MCF2L: variants seen among roughly 807,000 people sequenced by gnomAD.
The protein encoded by MCF2L is MCF.2 cell line derived transforming sequence like.
A neutral mutation model predicts 153.4 loss-of-function variants in MCF2L; 97 were observed. The observed-to-expected ratio is 0.63, with a 90% CI of 0.54 to 0.75. The LOEUF is 0.75. MCF2L is among the 30% of genes least tolerant of loss of function. MCF2L has a pLI of 0.00. For synonymous variants in MCF2L, 659 were observed against 632.2 expected, an observed-to-expected ratio of 1.04 and a Z score of -0.64; for missense variants, 1,347 against 1,495.2, an observed-to-expected ratio of 0.90 and a Z score of 1.64.
chr13:112,979,507 A>T, intron 1 of MCF2L: 1 of 1,459,774 alleles, frequency 6.9e-7, no homozygotes. Context: ...CAGGGTCCTG[A>T]GCACCTGTCT....
chr13:113,023,903 C>G (rs1336682120), intron 2 of MCF2L, among the ~76,000 whole-genome samples: 1 of 152,220 alleles, frequency 6.6e-6, no homozygotes, highest in Admixed American at 6.5e-5. Context: ...CGTGGGACCA[C>G]CTGCCCAATG....
intron 2 of MCF2L, among the ~76,000 whole-genome samples, chr13:112,955,533 G>A (rs2081746816): frequency 6.6e-6 from 1 of 152,164 alleles, no homozygotes; most frequent in Non-Finnish European, 1.5e-5. Context: ...CCCACAAGGT[G>A]GGGACTTTGT....
Position 113,046,698 on chromosome 13 carries a change from G to A in MCF2L, c.369+1337G>A, listed in dbSNP as rs2086838086. The A allele has an allele frequency of 3.8e-6, 2 of 527,602 alleles. No individual in the cohort carries two copies. The highest frequency in any genetic ancestry group is 3.9e-5 in the African/African-American group (2 of 51,588). The allele number at this position is 527,602 out of a possible 1,614,324, so 32.7% of individuals were successfully genotyped here. A position where few individuals can be genotyped will look rare whatever the true frequency, so the allele number is the denominator to read the frequency against. On this transcript the variant is annotated intron_variant, in intron 4 of 29. Coordinates refer to ENST00000535094, the MANE Select transcript of MCF2L (RefSeq NM_001112732.3). The surrounding 1 kb of genome is among the most constrained non-coding windows in gnomAD (Gnocchi z 4.4). ...TTCTCATCGAAGTCTTTAGGATGAGGCATCTCCTTGCACCCCCACGGCACC... is the reference window on the plus strand; with the variant it reads ...TTCTCATCGAAGTCTTTAGGATGAGACATCTCCTTGCACCCCCACGGCACC...
intron 2 of MCF2L, among the ~76,000 whole-genome samples, chr13:112,918,545 A>G (rs977206650): frequency 6.6e-6 from 1 of 152,256 alleles, no homozygotes; most frequent in African/African-American, 2.4e-5. Context: ...GGCCAGTTTG[A>G]AAAACCTAGG....
rs2085410719 is a variant in MCF2L at position 113,027,863 on chromosome 13, A to G, written c.278+3105A>G. ...CCACATGGCCGTACCCCGAGGACGT[A>G]GGCTCCAGGTGTGCTGTGGCCAGAG... On this transcript the variant is annotated intron_variant, in intron 3 of 29. Transcript: ENST00000535094. The surrounding 1 kb of genome is among the most constrained non-coding windows in gnomAD (Gnocchi z 4.8). Among the ~76,000 whole-genome samples, 1 of 152,318 alleles carries G rather than the reference A, an allele frequency of 6.6e-6. No individual in the cohort carries two copies. The highest frequency in any genetic ancestry group is 3.4e-3 in the Middle Eastern group (1 of 294).
At chr13:112,994,390 G>C (rs907165918) in intron 1 of MCF2L, among the ~76,000 whole-genome samples, 1 of 152,164 alleles carries the variant, frequency 6.6e-6, no homozygotes, top group Admixed American at 6.5e-5. Flanking sequence ...GGGACGTCAA[G>C]CTGACGTCAC....
intron 2 of MCF2L, among the ~76,000 whole-genome samples, chr13:112,934,166 G>A (rs1484531768): frequency 1.3e-5 from 2 of 152,218 alleles, no homozygotes; most frequent in Non-Finnish European, 2.9e-5. Flanking sequence ...GACCCTGGCG[G>A]CAGATGCATG....
intron 3 of MCF2L, among the ~76,000 whole-genome samples, chr13:113,041,566 G>A (rs999338728): frequency 4.0e-5 from 6 of 151,664 alleles, no homozygotes; most frequent in Non-Finnish European, 8.8e-5. Flanking sequence ...CAGTCAGTAT[G>A]GGGGATCATG....
chr13:112,912,929 CTGTA>C (rs1452302474), intron 2 of MCF2L, among the ~76,000 whole-genome samples: 14 of 129,418 alleles, frequency 1.1e-4, no homozygotes, highest in Admixed American at 2.4e-4. Context: ...TGGGGTGTGT[CTGTA>C]TGATTGTGTG....
At chr13:113,066,798 C>T (rs574043646) in intron 8 of MCF2L, among the ~76,000 whole-genome samples, 1 of 152,138 alleles carries the variant, frequency 6.6e-6, no homozygotes. Context: ...GCCCTGCCTC[C>T]GAGCTGAGGA....
chr13:113,092,009 C>A (rs1210631773), intron 26 of MCF2L, among the ~76,000 whole-genome samples: 1 of 152,230 alleles, frequency 6.6e-6, no homozygotes, highest in Non-Finnish European at 1.5e-5. Context: ...GCTGGCCCGG[C>A]GTTACTGACT....
intron 1 of MCF2L, among the ~76,000 whole-genome samples, chr13:113,003,532 C>A (rs755864768): frequency 1.4e-4 from 22 of 152,140 alleles, no homozygotes; most frequent in Non-Finnish European, 2.9e-4. Flanking sequence ...GAGGTTGTGT[C>A]CCCTGGGTGC....
rs566198873 is a variant in MCF2L at position 113,008,447 on chromosome 13, A to T, written c.80-6316A>T. On this transcript the variant is annotated intron_variant, in intron 1 of 29. Transcript: ENST00000535094. Reference sequence around the variant, plus strand: ...CTCCATGTTTTTATATTTAATTCTCATGGTTAAATTCAGTGCCGTAACTCA... The same window carrying T: ...CTCCATGTTTTTATATTTAATTCTCTTGGTTAAATTCAGTGCCGTAACTCA... 3.3e-5 allele frequency among the ~76,000 whole-genome samples: 5 copies of T among 152,218 alleles called. No homozygotes were observed. In the South Asian group the frequency reaches 1.0e-3, roughly 32 times the overall value.
At chr13:112,897,217 G>C (rs1311894427) in intron 1 of MCF2L, among the ~76,000 whole-genome samples, 1 of 152,160 alleles carries the variant, frequency 6.6e-6, no homozygotes, top group African/African-American at 2.4e-5. Flanking sequence ...GCGTCCTAAA[G>C]TGAACCTCTC....
At chr13:112,920,389 A>G (rs3011497) in intron 2 of MCF2L, among the ~76,000 whole-genome samples, 70,019 of 151,830 alleles carry the variant, frequency 0.46, 16,435 homozygotes, top group South Asian at 0.59. Context: ...GTGTGTGTGC[A>G]CACGCGTGTT....
chr13:113,047,341 A>T (rs2086879491), intron 4 of MCF2L: 2 of 152,246 alleles, frequency 1.3e-5, no homozygotes, highest in Non-Finnish European at 2.9e-5. Flanking sequence ...TCACCAGCTA[A>T]CAGCCATGTG....
At chr13:113,003,076 T>C (rs1023224871) in intron 1 of MCF2L, among the ~76,000 whole-genome samples, 13 of 150,292 alleles carry the variant, frequency 8.6e-5, no homozygotes, top group Middle Eastern at 3.5e-3. Context: ...CCTGGGGGGC[T>C]GAGAGGGGAG....
At chr13:113,078,911 G>A (rs897380227) in intron 15 of MCF2L, among the ~76,000 whole-genome samples, 172 bp downstream of exon 15, 3 of 152,216 alleles carry the variant, frequency 2.0e-5, no homozygotes, top group Non-Finnish European at 2.9e-5. Context: ...TGGCTCGAGC[G>A]TGTGTCCTGG....
intron 3 of MCF2L, among the ~76,000 whole-genome samples, chr13:113,033,651 G>A (rs532674986): frequency 4.8e-4 from 73 of 152,030 alleles, no homozygotes; most frequent in African/African-American, 1.6e-3. Context: ...CCACCCCAAC[G>A]GAGTTGGCAG....
Sources: allele counts gnomAD v4.1 joint callset (sites outside exome capture counted in the v4.1 genomes callset), GRCh38; gene constraint gnomAD v4.1.1; non-coding constraint Gnocchi (gnomAD v3.1); transcripts MANE v1.5; gene names NCBI Gene and HGNC (gene_info 2026-07-23, HGNC 2026-07-21).